Variants in ADGRB3 observed in about 807,000 individuals in gnomAD.
ADGRB3 encodes brain-specific angiogenesis inhibitor 3.
Under a neutral mutation model 193.4 loss-of-function variants are expected in ADGRB3, and 37 were observed. The observed-to-expected ratio is 0.19, with a 90% CI of 0.15 to 0.25. The LOEUF (loss-of-function observed/expected upper bound fraction) is 0.25, where lower values mean the gene tolerates loss of function less well. ADGRB3 is among the 10% of genes least tolerant of loss of function. ADGRB3 has a pLI of 1.00. For missense variants in ADGRB3, 1,637 were observed against 1,852.9 expected, an observed-to-expected ratio of 0.88 and a Z score of 2.14; for synonymous variants, 690 against 644.2, an observed-to-expected ratio of 1.07 and a Z score of -1.08.
intron 16 of ADGRB3, among the ~76,000 whole-genome samples, chr6:69,069,959 T>C (rs1378415535): frequency 6.6e-6 from 1 of 151,910 alleles, no homozygotes; most frequent in African/African-American, 2.4e-5. Flanking sequence ...CATCTAAAAT[T>C]TAGGAAATTA....
intron 20 of ADGRB3, among the ~76,000 whole-genome samples, chr6:69,261,609 A>G (rs1215047687): frequency 6.6e-6 from 1 of 152,070 alleles, no homozygotes; most frequent in East Asian, 1.9e-4. Context: ...TAAATGAATA[A>G]ATGTATGCAT....
chr6:68,936,478 T>C (rs751578826), intron 4 of ADGRB3, 41 bp from the exon 5 acceptor site: 17 of 1,599,042 alleles, frequency 1.1e-5, no homozygotes, highest in Non-Finnish European at 1.4e-5. Flanking sequence ...AGATGAATAC[T>C]TAAGACAGTA....
intron 20 of ADGRB3, among the ~76,000 whole-genome samples, chr6:69,251,134 G>A (rs1213902837): frequency 5.9e-5 from 9 of 152,288 alleles, no homozygotes; most frequent in East Asian, 3.9e-4. Flanking sequence ...TTTCAAAAGC[G>A]TCTCATCAAT....
At chr6:69,292,872 CCCCCA>C (rs1186368231) in intron 20 of ADGRB3, among the ~76,000 whole-genome samples, 1 of 151,784 alleles carries the variant, frequency 6.6e-6, no homozygotes, top group Non-Finnish European at 1.5e-5. Context: ...CTCCCCCGTC[CCCCCA>C]CCCCACAACA....
chr6:69,328,120 T>C (rs1434619498), intron 22 of ADGRB3, among the ~76,000 whole-genome samples: 2 of 152,192 alleles, frequency 1.3e-5, no homozygotes, highest in Non-Finnish European at 2.9e-5. Flanking sequence ...AAGACCAGCA[T>C]ATTTGGCTTT....
chr6:69,013,486 T>A (rs965897050), intron 11 of ADGRB3, among the ~76,000 whole-genome samples: 2 of 152,076 alleles, frequency 1.3e-5, no homozygotes, highest in African/African-American at 4.8e-5. Context: ...GTGTGATATG[T>A]CAGGAACTTA....
At chr6:69,303,400 C>T (rs1767993290) in intron 20 of ADGRB3, among the ~76,000 whole-genome samples, 1 of 151,856 alleles carries the variant, frequency 6.6e-6, no homozygotes, top group Non-Finnish European at 1.5e-5. Context: ...CTTGGCCACC[C>T]CTTACACAGC....
intron 28 of ADGRB3, among the ~76,000 whole-genome samples, chr6:69,358,540 T>C (rs1376697254): frequency 6.6e-6 from 1 of 151,960 alleles, no homozygotes; most frequent in African/African-American, 2.4e-5. Flanking sequence ...GGTGCCCTTT[T>C]CAGTTGAGCC....
chr6:69,280,589 T>A (rs1239675300), intron 20 of ADGRB3, among the ~76,000 whole-genome samples: 2 of 152,208 alleles, frequency 1.3e-5, no homozygotes, highest in Non-Finnish European at 2.9e-5. Flanking sequence ...TTGTGAAGAT[T>A]AAATGAGTTA....
chr6:69,117,796 T>A lies in ADGRB3; in HGVS notation c.2480+41758T>A, dbSNP rs185874405. ...TTAGATTAAAATTAAGTTTTGGAGC[T>A]TATTACACAGTGGTCTCCAAAGAAC... is the stretch of plus-strand genomic sequence containing the variant. On this transcript the variant is annotated intron_variant, in intron 17 of 31. Coordinates refer to ENST00000370598, the MANE Select transcript of ADGRB3 (RefSeq NM_001704.3). 4.5e-4 allele frequency among the ~76,000 whole-genome samples: 69 copies of A among 152,330 alleles called. 1 individual carries two copies. Among genetic ancestry groups the A allele is most frequent in the African/African-American group, 1.6e-3 (65 of 41,580 alleles).
chr6:69,048,406 A>T, intron 14 of ADGRB3, 72 bp downstream of exon 14: 1 of 1,421,244 alleles, frequency 7.0e-7, no homozygotes, highest in Non-Finnish European at 9.7e-7. Flanking sequence ...AATTAGGTAT[A>T]AATCTTCATA....
At chr6:68,983,935 C>T (rs924710489) in intron 10 of ADGRB3, among the ~76,000 whole-genome samples, 12 of 151,974 alleles carry the variant, frequency 7.9e-5, no homozygotes, top group Non-Finnish European at 7.4e-5. Flanking sequence ...AACATGTAAA[C>T]GGTAGAGAGA....
intron 8 of ADGRB3, among the ~76,000 whole-genome samples, chr6:68,973,370 A>C (rs1768643598): frequency 6.6e-6 from 1 of 152,192 alleles, no homozygotes; most frequent in Admixed American, 6.5e-5. Context: ...CATTCATCTT[A>C]TCTTGGGTAA....
chr6:69,345,273 C>G (rs150769626), intron 26 of ADGRB3, among the ~76,000 whole-genome samples: 173 of 152,302 alleles, frequency 1.1e-3, no homozygotes, highest in African/African-American at 3.9e-3. Context: ...TGAGGTTGTA[C>G]TGATTCTAGC....
chr6:69,007,402 G>T (rs963204230), intron 11 of ADGRB3, among the ~76,000 whole-genome samples: 1 of 151,984 alleles, frequency 6.6e-6, no homozygotes, highest in African/African-American at 2.4e-5. Flanking sequence ...CCTGACCCCT[G>T]TGTATCATTT....
intron 3 of ADGRB3, among the ~76,000 whole-genome samples, chr6:68,788,849 G>A (rs1049940966): frequency 3.3e-5 from 5 of 152,314 alleles, no homozygotes; most frequent in East Asian, 3.9e-4. Flanking sequence ...TGTATTGGGT[G>A]CATATACATA....
intron 30 of ADGRB3, among the ~76,000 whole-genome samples, chr6:69,377,925 A>G (rs1195819411): frequency 3.3e-5 from 5 of 152,104 alleles, no homozygotes; most frequent in African/African-American, 9.6e-5. Flanking sequence ...CCTGGTTGGG[A>G]CAAGTAAATG....
chr6:68,765,937 T>G (rs1227038814), intron 3 of ADGRB3, among the ~76,000 whole-genome samples: 1 of 152,192 alleles, frequency 6.6e-6, no homozygotes, highest in South Asian at 2.1e-4. Flanking sequence ...AAAAATGTTT[T>G]ATTTATTCAG....
At chr6:68,692,565 G>A (rs1744599738) in intron 3 of ADGRB3, among the ~76,000 whole-genome samples, 1 of 151,588 alleles carries the variant, frequency 6.6e-6, no homozygotes, top group African/African-American at 2.4e-5. Flanking sequence ...AAATATACCA[G>A]GGGTTACTTA....
Sources: gnomAD v4.1 joint callset for allele counts (sites outside exome capture counted in the v4.1 genomes callset) on GRCh38, gnomAD v4.1.1 for gene constraint, MANE v1.5 for transcripts, NCBI Gene and HGNC (gene_info 2026-07-23, HGNC 2026-07-21) for gene names.